Variants in JAKMIP3 observed in about 807,000 individuals in gnomAD.
The protein encoded by JAKMIP3 is janus kinase and microtubule-interacting protein 3.
JAKMIP3 carries 58 observed loss-of-function variants against 118.5 expected under a neutral mutation model. The ratio of observed to expected loss-of-function variants is 0.49; its 90% confidence interval spans 0.40 to 0.61. The LOEUF is 0.61. JAKMIP3 is among the 20% of genes least tolerant of loss of function. The pLI, the probability that JAKMIP3 is intolerant of heterozygous loss-of-function variation, is 0.00. For missense variants in JAKMIP3, 950 were observed against 1,109.0 expected (o/e 0.86, Z 2.04); for synonymous variants, 486 against 451.2 (o/e 1.08, Z -0.98).
intron 1 of JAKMIP3, among the ~76,000 whole-genome samples, chr10:132,089,424 A>G (rs2042841613): frequency 6.6e-6 from 1 of 152,160 alleles, no homozygotes; most frequent in South Asian, 2.1e-4. Context: ...GGTCCTTCAC[A>G]TCCCTTGTAA....
At chr10:132,055,750 G>C (rs1036879656) in intron 1 of JAKMIP3, among the ~76,000 whole-genome samples, 4 of 152,140 alleles carry the variant, frequency 2.6e-5, no homozygotes, top group African/African-American at 7.2e-5. Flanking sequence ...TGGTGTCCTG[G>C]CTCAACCACC....
chr10:132,170,700 G>A (rs2059408157), intron 23 of JAKMIP3, among the ~76,000 whole-genome samples: 1 of 152,228 alleles, frequency 6.6e-6, no homozygotes, highest in Admixed American at 6.5e-5. Flanking sequence ...ATCAGGGAGG[G>A]GCAGCCGGCC....
Position 132,155,574 on chromosome 10 carries a change from G to A in JAKMIP3, c.2220+1584G>A, listed in dbSNP as rs192369182. Among the ~76,000 whole-genome samples the A allele has an allele frequency of 1.6e-3, 246 of 152,336 alleles. 2 individuals carry two copies. Among genetic ancestry groups the A allele is most frequent in the African/African-American group, 5.6e-3 (232 of 41,568 alleles). ...GTGTAAGGCCCATGTCAGTTGCTGT[G>A]GAAGCCAGTGTGTGAGCCATGGGAG... On this transcript the variant is annotated intron_variant, in intron 19 of 23. Transcript: ENST00000684848.
chr10:132,117,164 C>A lies in JAKMIP3; in HGVS notation c.223C>A (p.Leu75Ile). ...TAAGACCGCGGTCTTGCTCACGGAG[C>A]TCAAGACAAAGCTGCACGAGGAGAA... ...QHKTAVLLTE[L>I]KTKLHEEKMK... Residue 75 changes from leucine to isoleucine, a missense_variant, in exon 3 of 24, where the codon CTC becomes ATC. Leu to Ile is a conservative substitution (Grantham distance 5, BLOSUM62 2). Coordinates refer to ENST00000684848, the MANE Select transcript of JAKMIP3 (RefSeq NM_001323087.2). The surrounding 1 kb of genome is among the most constrained non-coding windows in gnomAD (Gnocchi z 8.6). The A allele has an allele frequency of 1.9e-6, 3 of 1,613,844 alleles. No homozygotes were observed. Among genetic ancestry groups the A allele is most frequent in the Non-Finnish European group, 2.5e-6 (3 of 1,179,904 alleles).
At chr10:132,165,016 T>G (rs886130028) in intron 21 of JAKMIP3, among the ~76,000 whole-genome samples, 10 of 152,022 alleles carry the variant, frequency 6.6e-5, no homozygotes, top group Admixed American at 3.3e-4. Context: ...GAGGAGCCAC[T>G]CCTCTTGTGG....
In JAKMIP3 at chr10:132,153,963, G is replaced by A; in HGVS notation, c.2193G>A (p.Arg731=). The part of the protein sequence containing the change: ...KGYLDEELDY[R]KQALDQANKH... Reference sequence around the variant, plus strand: ...ACCTGGACGAGGAGCTGGACTACCGGAAACAGGCCTTGGACCAGGCCAACA... The same window carrying A: ...ACCTGGACGAGGAGCTGGACTACCGAAAACAGGCCTTGGACCAGGCCAACA... The change falls in exon 19 of 24, where the codon CGG becomes CGA. Residue 731 remains arginine (R), a synonymous_variant. Coordinates refer to ENST00000684848, the MANE Select transcript of JAKMIP3 (RefSeq NM_001323087.2). The A allele has an allele frequency of 6.2e-7, 1 of 1,613,080 alleles. No homozygotes were observed.
rs755115850 is a variant in JAKMIP3, at chr10:132,163,384, G to A, written c.2396G>A (p.Arg799His). Reference protein sequence around the residue: ...RERDAQILRERMELLQLAQQR... With the variant: ...RERDAQILREHMELLQLAQQR... ...CGGGACGCCCAGATCCTGCGGGAGC[G>A]CATGGAGCTGCTGCAGCTGGCTCAG... is the stretch of plus-strand genomic sequence containing the variant. Residue 799 changes from arginine to histidine, a missense_variant, in exon 20 of 24, where the codon CGC becomes CAC. Arg to His is a conservative substitution (Grantham distance 29, BLOSUM62 0). Coordinates refer to ENST00000684848, the MANE Select transcript of JAKMIP3 (RefSeq NM_001323087.2). 1.7e-5 allele frequency: 27 copies of A among 1,603,750 alleles called. No individual in the cohort carries two copies. The highest frequency in any genetic ancestry group is 5.3e-5 in the African/African-American group (4 of 74,834).
intron 19 of JAKMIP3, among the ~76,000 whole-genome samples, chr10:132,154,450 G>A (rs114732226): frequency 0.016 from 2,476 of 152,288 alleles, 57 homozygotes; most frequent in African/African-American, 0.055. Context: ...AGCATAGGAC[G>A]TTTCTAGGTT....
rs1205299432 is a variant in JAKMIP3 at position 132,180,760 on chromosome 10, C to CGTGTGT, written c.*1104-1593_*1104-1588dup. 1.4e-4 allele frequency among the ~76,000 whole-genome samples: 2 copies of CGTGTGT among 14,736 alleles called. 1 individual carries two copies. Among genetic ancestry groups the CGTGTGT allele is most frequent in the Non-Finnish European group, 2.2e-4 (2 of 9,180 alleles). 9.7% of individuals were successfully genotyped at this position (14,736 alleles called of 152,430 possible). A position where few individuals can be genotyped will look rare whatever the true frequency, so the allele number is the denominator to read the frequency against. ...GTGCGTGCGTGCGCGCGCGTGTGTG[C>CGTGTGT]GTGTGTGTGCGTGTGTGTGTGTGCG... On this transcript the variant is annotated intron_variant, in intron 23 of 23. Transcript: ENST00000684848.
At chr10:132,137,820 C>T (rs947944493) in intron 8 of JAKMIP3, among the ~76,000 whole-genome samples, 1 of 152,252 alleles carries the variant, frequency 6.6e-6, no homozygotes, top group Non-Finnish European at 1.5e-5. Flanking sequence ...CAACTGTGTG[C>T]CCCTCAAGTC....
At chr10:132,073,008 CTT>C (rs1397596469) in intron 1 of JAKMIP3, among the ~76,000 whole-genome samples, 3 of 152,122 alleles carry the variant, frequency 2.0e-5, no homozygotes, top group African/African-American at 7.2e-5. Flanking sequence ...ATTTATTTGA[CTT>C]TCTGTTTCTG....
intron 1 of JAKMIP3, among the ~76,000 whole-genome samples, chr10:132,088,372 G>T (rs948859048): frequency 7.2e-5 from 11 of 152,244 alleles, no homozygotes; most frequent in African/African-American, 2.2e-4. Context: ...AGCACCTGTT[G>T]TTTCCTGACT....
In JAKMIP3 at chr10:132,117,331, G is replaced by T. The variant is rs371619151; in HGVS notation, c.390G>T (p.Lys130Asn). ...CCCTGCGTGATGGCGGCCCCGAAAA[G>T]GTCAAGACCGTGCTGCTGTCCGAGG... ...LSALRDGGPE[K>N]VKTVLLSEAK... is the part of the protein sequence containing the mutation. Residue 130 changes from lysine (K) to asparagine (N), a missense_variant, in exon 3 of 24, where the codon AAG (lysine) becomes AAT (asparagine). Transcript: ENST00000684848. This position sits in a 1 kb window ranked among gnomAD's most constrained non-coding sequence, Gnocchi z 8.6. 1.2e-6 allele frequency: 2 copies of T among 1,613,994 alleles called. No individual in the cohort carries two copies. Among genetic ancestry groups the T allele is most frequent in the East Asian group, 2.2e-5 (1 of 44,878 alleles).
At chr10:132,169,264 A>C (rs2059232031) in intron 23 of JAKMIP3, among the ~76,000 whole-genome samples, 1 of 152,074 alleles carries the variant, frequency 6.6e-6, no homozygotes, top group African/African-American at 2.4e-5. Flanking sequence ...ATGGTGCTCC[A>C]CGGGGACCTG....
At chr10:132,131,495 GC>G in intron 3 of JAKMIP3, among the ~76,000 whole-genome samples, 1 of 151,792 alleles carries the variant, frequency 6.6e-6, no homozygotes, top group Non-Finnish European at 1.5e-5. Context: ...GAGCTCTGGG[GC>G]ACCCGGGGGC....
chr10:132,139,321 T>A (rs1327986761), intron 9 of JAKMIP3, among the ~76,000 whole-genome samples: 12 of 75,380 alleles, frequency 1.6e-4, no homozygotes, highest in Middle Eastern at 5.4e-3. Flanking sequence ...TGTATGTGTA[T>A]GTGTGTGTGT....
intron 2 of JAKMIP3, among the ~76,000 whole-genome samples, chr10:132,110,188 G>A (rs1365558305): frequency 6.6e-6 from 1 of 152,200 alleles, no homozygotes; most frequent in Non-Finnish European, 1.5e-5. Context: ...AGCCTGGAGG[G>A]GACAGGCAGC....
chr10:132,073,552 A>G (rs1158103423), intron 1 of JAKMIP3, among the ~76,000 whole-genome samples: 1 of 146,910 alleles, frequency 6.8e-6, no homozygotes, highest in South Asian at 2.2e-4. Flanking sequence ...GCAGAAGTGC[A>G]GTGATGCGAT....
chr10:132,110,228 T>C (rs1431110312), intron 2 of JAKMIP3, among the ~76,000 whole-genome samples: 1 of 152,208 alleles, frequency 6.6e-6, no homozygotes, highest in Non-Finnish European at 1.5e-5. Context: ...CCAGCCGTGC[T>C]CTGGAAGCTC....
Sources: allele counts gnomAD v4.1 joint callset (sites outside exome capture counted in the v4.1 genomes callset), GRCh38; gene constraint gnomAD v4.1.1; non-coding constraint Gnocchi (gnomAD v3.1); transcripts MANE v1.5; gene names NCBI Gene and HGNC (gene_info 2026-07-23, HGNC 2026-07-21).